Variants in CCDC25 observed in about 807,000 individuals in gnomAD.
The protein encoded by CCDC25 is coiled-coil domain-containing protein 25.
In CCDC25, 16 loss-of-function variants were observed where a neutral mutation model predicts 35.3. The ratio of observed to expected loss-of-function variants is 0.45; its 90% confidence interval spans 0.31 to 0.69. The LOEUF is 0.69. Ranked by LOEUF, CCDC25 falls within the 30% of genes least tolerant of loss-of-function variation. The probability of loss-of-function intolerance (pLI) is 0.06; values close to 1 mark genes in which losing one functional copy is unlikely to be tolerated. For missense variants in CCDC25, 179 were observed against 250.7 expected, an observed-to-expected ratio of 0.71 and a Z score of 1.93; for synonymous variants, 79 against 80.3, an observed-to-expected ratio of 0.98 and a Z score of 0.09.
rs541833028 is a variant in CCDC25, at chr8:27,747,466, T to A, written c.551+611A>T. On this transcript the variant is annotated intron_variant, in intron 7 of 8. Coordinates refer to ENST00000356537, the MANE Select transcript of CCDC25 (RefSeq NM_018246.3). Reference sequence around the variant, plus strand: ...GGACTTCTAATCTACAGACAATAAATGTGTGTTGTTTTAAGCTACTACATT... The same window carrying A: ...GGACTTCTAATCTACAGACAATAAAAGTGTGTTGTTTTAAGCTACTACATT... 2.6e-5 allele frequency among the ~76,000 whole-genome samples: 4 copies of A among 152,306 alleles called. No individual in the cohort carries two copies. The East Asian group carries it at 7.7e-4, about 29-fold the overall frequency.
At chr8:27,748,883 G>GT (rs34276982) in intron 5 of CCDC25, among the ~76,000 whole-genome samples, 5,328 of 151,470 alleles carry the variant, frequency 0.035, 120 homozygotes, top group African/African-American at 0.055. Flanking sequence ...TTATCATTGA[G>GT]TTTTTTTTTC....
intron 8 of CCDC25, among the ~76,000 whole-genome samples, chr8:27,739,456 TTA>T (rs1023655804): frequency 2.6e-5 from 4 of 152,084 alleles, no homozygotes; most frequent in African/African-American, 9.7e-5. Context: ...CTTGATTTCT[TTA>T]TCTGTGAATT....
At chr8:27,763,700 A>G (rs1024454987) in intron 2 of CCDC25, among the ~76,000 whole-genome samples, 1 of 152,024 alleles carries the variant, frequency 6.6e-6, no homozygotes, top group African/African-American at 2.4e-5. Flanking sequence ...CCTGGGTGAC[A>G]GAGTGGGAAA....
intron 5 of CCDC25, among the ~76,000 whole-genome samples, chr8:27,751,217 A>C (rs1460225): frequency 0.87 from 133,013 of 152,246 alleles, 58,259 homozygotes; most frequent in Non-Finnish European, 0.9. Flanking sequence ...GCCAGCAGCA[A>C]TGGAAGGGAT....
intron 3 of CCDC25, among the ~76,000 whole-genome samples, chr8:27,757,472 A>G (rs542806618): frequency 6.6e-6 from 1 of 152,274 alleles, no homozygotes; most frequent in East Asian, 1.9e-4. Context: ...CTCTTGGGTG[A>G]GCACTGCCCT....
chr8:27,761,551 A>G (rs940020245), intron 3 of CCDC25, among the ~76,000 whole-genome samples: 1 of 152,228 alleles, frequency 6.6e-6, no homozygotes, highest in Non-Finnish European at 1.5e-5. Context: ...AGGTGCCTTT[A>G]TCTTCAGGGA....
At position 27,736,001 on chromosome 8, in the gene CCDC25, T is replaced by C; in HGVS notation, c.*215A>G. ...GCAAAAACATTTTCACTTTAAGTTATATGCTGTCAAGTTCAACTATTTTAT... is the reference window on the plus strand; with the variant it reads ...GCAAAAACATTTTCACTTTAAGTTACATGCTGTCAAGTTCAACTATTTTAT... On this transcript the variant is annotated 3_prime_UTR_variant, in exon 9 of 9. Coordinates refer to ENST00000356537, the MANE Select transcript of CCDC25 (RefSeq NM_018246.3). 3 of 475,014 alleles carry C rather than the reference T, an allele frequency of 6.3e-6. No homozygotes were observed. The highest frequency in any genetic ancestry group is 3.7e-6 in the Non-Finnish European group (1 of 267,596). The allele number at this position is 475,014 out of a possible 1,614,324, so 29.4% of individuals were successfully genotyped here. A position where few individuals can be genotyped will look rare whatever the true frequency, so the allele number is the denominator to read the frequency against.
chr8:27,759,779 C>CAAAAAAAAAAAAAA (rs77051762), intron 3 of CCDC25, among the ~76,000 whole-genome samples: 2,991 of 90,836 alleles, frequency 0.033, 353 homozygotes, highest in African/African-American at 0.041. Flanking sequence ...GACTCTGTCT[C>CAAAAAAAAAAAAAA]AAAAAAAAAA....
At chr8:27,756,904 T>C (rs765203385) in intron 3 of CCDC25, 134 bp from the exon 4 acceptor site, 2 of 659,312 alleles carry the variant, frequency 3.0e-6, no homozygotes, top group Non-Finnish European at 5.5e-6. Context: ...ATGAGGAGTA[T>C]AAAGCACAGT....
At position 27,737,410 on chromosome 8, in the gene CCDC25, T is replaced by C. The variant is rs560878701; in HGVS notation, c.598-1165A>G. ...GTTGTCATCAACGAAAGTAAGCCAT[T>C]CCCTATAAAGGCTGTGAGTTAGATG... On this transcript the variant is annotated intron_variant, in intron 8 of 8. Transcript: ENST00000356537. The surrounding 1 kb of genome is among the most constrained non-coding windows in gnomAD (Gnocchi z 4.6). Among the ~76,000 whole-genome samples the C allele has an allele frequency of 1.1e-3, 167 of 152,274 alleles. No homozygotes were observed. Among genetic ancestry groups the C allele is most frequent in the African/African-American group, 3.9e-3 (160 of 41,548 alleles).
At chr8:27,752,031 A>G (rs902541814) in intron 5 of CCDC25, among the ~76,000 whole-genome samples, 1 of 152,228 alleles carries the variant, frequency 6.6e-6, no homozygotes, top group Admixed American at 6.5e-5. Flanking sequence ...GCAATTTAAG[A>G]GGGAAAAAGT....
At chr8:27,747,071 C>A (rs556854633) in intron 7 of CCDC25, among the ~76,000 whole-genome samples, 2 of 152,102 alleles carry the variant, frequency 1.3e-5, no homozygotes, top group South Asian at 4.1e-4. Flanking sequence ...GATGAGAATT[C>A]GCAGGATTAA....
chr8:27,762,175 G>A (rs1408269438), intron 3 of CCDC25, among the ~76,000 whole-genome samples: 1 of 152,168 alleles, frequency 6.6e-6, no homozygotes, highest in East Asian at 1.9e-4. Context: ...CTATGGCGTG[G>A]AGACAAAAAG....
chr8:27,751,044 T>C (rs1803784187), intron 5 of CCDC25, among the ~76,000 whole-genome samples: 1 of 152,230 alleles, frequency 6.6e-6, no homozygotes, highest in Non-Finnish European at 1.5e-5. Context: ...AGCTGAGCTA[T>C]CGTTGCAGAA....
In CCDC25 at chr8:27,748,709, C is replaced by A. The variant is rs542990072; in HGVS notation, c.245-111G>T. ...AACAAGGGAAACGGCTTAGAACGAA[C>A]AGGCCACCCCTTGTTTTAAACCACC... On this transcript the variant is annotated intron_variant, in intron 5 of 8. Coordinates refer to ENST00000356537, the MANE Select transcript of CCDC25 (RefSeq NM_018246.3). 13 of 739,714 alleles carry A rather than the reference C, an allele frequency of 1.8e-5. 1 individual carries two copies. The highest frequency in any genetic ancestry group is 1.4e-4 in the African/African-American group (8 of 57,318). The allele number at this position is 739,714 out of a possible 1,614,324, so 45.8% of individuals were successfully genotyped here.
In CCDC25 at chr8:27,740,956, G is replaced by A. The variant is rs1360598307; in HGVS notation, c.552-439C>T. ...TCAGGGCACCCTTCACAGACAAGGC[G>A]GAACCCAAACCAAGCCAATCAAGTG... On this transcript the variant is annotated intron_variant, in intron 7 of 8. Coordinates refer to ENST00000356537, the MANE Select transcript of CCDC25 (RefSeq NM_018246.3). Among the ~76,000 whole-genome samples the A allele has an allele frequency of 3.3e-5, 5 of 152,132 alleles. No homozygotes were observed. The East Asian group carries it at 5.8e-4, about 18-fold the overall frequency.
intron 1 of CCDC25, among the ~76,000 whole-genome samples, chr8:27,771,270 T>C (rs1221930276): frequency 6.6e-6 from 1 of 152,178 alleles, no homozygotes; most frequent in African/African-American, 2.4e-5. Flanking sequence ...CCTACATTTG[T>C]GGTAGGCTAT....
intron 2 of CCDC25, among the ~76,000 whole-genome samples, chr8:27,762,692 C>T (rs898953844): frequency 4.6e-5 from 7 of 152,024 alleles, no homozygotes; most frequent in South Asian, 4.1e-4. Flanking sequence ...TAATCTAAAG[C>T]TCAGATATTA....
intron 5 of CCDC25, among the ~76,000 whole-genome samples, chr8:27,751,406 G>T (rs1215047194): frequency 6.6e-6 from 1 of 152,206 alleles, no homozygotes; most frequent in Non-Finnish European, 1.5e-5. Context: ...TTGAAAATCA[G>T]TGGCTCTGTA....
Sources: gnomAD v4.1 joint callset for allele counts (sites outside exome capture counted in the v4.1 genomes callset) on GRCh38, gnomAD v4.1.1 for gene constraint, Gnocchi (gnomAD v3.1) non-coding constraint, MANE v1.5 for transcripts, NCBI Gene and HGNC (gene_info 2026-07-23, HGNC 2026-07-21) for gene names.